The following STK24 variants were observed in gnomAD, a reference collection of about 807,000 sequenced individuals.
The protein encoded by STK24 is serine/threonine-protein kinase 24.
STK24 carries 21 observed loss-of-function variants against 55.6 expected under a neutral mutation model. The ratio of observed to expected loss-of-function variants is 0.38; its 90% CI spans 0.27 to 0.54. The LOEUF (loss-of-function observed/expected upper bound fraction) is 0.54, where lower values mean the gene tolerates loss of function less well. Among genes scored for constraint, STK24 ranks in the 20% least tolerant of loss-of-function variants. The probability of loss-of-function intolerance (pLI) is 0.79; values close to 1 mark genes in which losing one functional copy is unlikely to be tolerated. For synonymous variants in STK24, 200 were observed against 215.2 expected (o/e 0.93, Z 0.62); for missense variants, 383 against 538.4 (o/e 0.71, Z 2.86).
At chr13:98,530,301 G>A (rs1256689827) in intron 1 of STK24, among the ~76,000 whole-genome samples, 2 of 152,160 alleles carry the variant, frequency 1.3e-5, no homozygotes, top group Non-Finnish European at 2.9e-5. Flanking sequence ...ACTTAAGGCA[G>A]CTCCGTTTTT....
At chr13:98,552,055 T>G (rs1897172350) in intron 1 of STK24, among the ~76,000 whole-genome samples, 1 of 152,166 alleles carries the variant, frequency 6.6e-6, no homozygotes, top group South Asian at 2.1e-4. Flanking sequence ...TGAACAATCC[T>G]TTGCAGTTAA....
intron 1 of STK24, among the ~76,000 whole-genome samples, chr13:98,572,172 G>A (rs1351504925): frequency 3.3e-5 from 5 of 152,244 alleles, no homozygotes; most frequent in South Asian, 2.1e-4. Flanking sequence ...GCAGGCAGCC[G>A]ACCTCTTGAG....
chr13:98,506,957 G>A (rs1199361537), intron 2 of STK24, among the ~76,000 whole-genome samples: 1 of 152,182 alleles, frequency 6.6e-6, no homozygotes, highest in Non-Finnish European at 1.5e-5. Context: ...AGGCTTTCAG[G>A]GGAACCTCAC....
Position 98,577,058 on chromosome 13 carries a change from C to G in STK24, c.-272G>C, listed in dbSNP as rs1462509314. ...CGCCGCTGCTGCCGCTACTGCTGGG[C>G]TGGAGCCGGGCGGCCTGGGCCCGCG... On this transcript the variant is annotated 5_prime_UTR_variant, in exon 1 of 11. Transcript: ENST00000539966. This position sits in a 1 kb window ranked among gnomAD's most constrained non-coding sequence, Gnocchi z 4.1. 6.8e-6 allele frequency: 1 copy of G among 147,024 alleles called. No homozygotes were observed. Among genetic ancestry groups the G allele is most frequent in the Non-Finnish European group, 1.5e-5 (1 of 66,394 alleles). The allele number at this position is 147,024 out of a possible 1,614,324, so 9.1% of individuals were successfully genotyped here.
chr13:98,455,901 A>G (rs1263316515), intron 10 of STK24: 1 of 152,304 alleles, frequency 6.6e-6, no homozygotes, highest in Non-Finnish European at 1.5e-5. Context: ...AGCTCTTTCT[A>G]ATGGGAAATA....
intron 2 of STK24, among the ~76,000 whole-genome samples, chr13:98,504,440 G>A (rs565747978): frequency 1.3e-5 from 2 of 152,334 alleles, no homozygotes; most frequent in South Asian, 2.1e-4. Flanking sequence ...AGAAAAGTCA[G>A]AGCTTAGTCT....
At chr13:98,485,138 C>G (rs951461886) in intron 2 of STK24, among the ~76,000 whole-genome samples, 9 of 152,180 alleles carry the variant, frequency 5.9e-5, no homozygotes, top group Admixed American at 3.3e-4. Flanking sequence ...TCACCTTGCC[C>G]GCTGCCTAGA....
chr13:98,446,216 C>T lies in STK24; in HGVS notation c.*6957G>A, dbSNP rs2274054. 0.77 allele frequency: 1,232,224 copies of T among 1,593,296 alleles called. 487,323 individuals carry two copies. Among genetic ancestry groups the T allele is most frequent in the Non-Finnish European group, 0.83 (959,481 of 1,162,006 alleles). On this transcript the variant is annotated 3_prime_UTR_variant, in exon 11 of 11. Coordinates refer to ENST00000539966, the MANE Select transcript of STK24 (RefSeq NM_001032296.4). ...TACAAATCACACCAGGTAAGTGTCT[C>T]GCACAGGGCAGGTGGCCCTGGGACC...
intron 3 of STK24, among the ~76,000 whole-genome samples, chr13:98,480,012 A>G (rs1894525080): frequency 6.6e-6 from 1 of 152,190 alleles, no homozygotes; most frequent in African/African-American, 2.4e-5. Flanking sequence ...AAGGTCTCCT[A>G]GCTGAGACCC....
chr13:98,498,677 G>A (rs1260638442), intron 2 of STK24, among the ~76,000 whole-genome samples: 1 of 152,156 alleles, frequency 6.6e-6, no homozygotes, highest in Non-Finnish European at 1.5e-5. Context: ...AGGTTAGATG[G>A]ACATGAGAGA....
Position 98,456,849 on chromosome 13 carries a change from C to G in STK24, c.1259+319G>C, listed in dbSNP as rs527630714. On this transcript the variant is annotated intron_variant, in intron 10 of 10. Coordinates refer to ENST00000539966, the MANE Select transcript of STK24 (RefSeq NM_001032296.4). The stretch of plus-strand genomic sequence containing the variant: ...ATAGTTACACACATCTGGCTAAGAA[C>G]GATCATTCTCTGGCCAATAATTAAG... The G allele has an allele frequency of 4.8e-4, 214 of 450,184 alleles. 1 individual carries two copies. The highest frequency in any genetic ancestry group is 4.0e-3 in the African/African-American group (203 of 50,740). The allele number at this position is 450,184 out of a possible 1,614,324, so 27.9% of individuals were successfully genotyped here.
chr13:98,561,489 C>T (rs759382943), intron 1 of STK24, among the ~76,000 whole-genome samples: 7 of 151,808 alleles, frequency 4.6e-5, no homozygotes, highest in East Asian at 2.0e-4. Context: ...GGCTGAGGCG[C>T]GAGAATCACT....
At chr13:98,537,059 A>C (rs907711809) in intron 1 of STK24, among the ~76,000 whole-genome samples, 1 of 152,176 alleles carries the variant, frequency 6.6e-6, no homozygotes, top group African/African-American at 2.4e-5. Flanking sequence ...CTTGGCAAGT[A>C]AGTCACTCAC....
intron 6 of STK24, among the ~76,000 whole-genome samples, chr13:98,465,746 G>A (rs1052581859): frequency 2.6e-5 from 4 of 152,186 alleles, no homozygotes; most frequent in Non-Finnish European, 4.4e-5. Flanking sequence ...GGAAAACTCA[G>A]AAACAAAACA....
intron 9 of STK24, 65 bp from the exon 10 acceptor site, chr13:98,457,369 G>A (rs1207916312): frequency 1.2e-6 from 2 of 1,607,624 alleles, no homozygotes; most frequent in Admixed American, 1.7e-5. Context: ...GAAGCATGCT[G>A]TTCAAGGAAC....
In STK24 at chr13:98,453,131, A is replaced by G; in HGVS notation, c.*42T>C. 4 of 1,609,798 alleles carry G rather than the reference A, an allele frequency of 2.5e-6. No homozygotes were observed. Among genetic ancestry groups the G allele is most frequent in the Non-Finnish European group, 3.4e-6 (4 of 1,176,910 alleles). On this transcript the variant is annotated 3_prime_UTR_variant, in exon 11 of 11. Transcript: ENST00000539966. Reference sequence around the variant, plus strand: ...CTTTTAAAAAAGGAGGAGGATGAAGAAGGAAAAAAGGAAAAACAAAACCCC... The same window carrying G: ...CTTTTAAAAAAGGAGGAGGATGAAGGAGGAAAAAAGGAAAAACAAAACCCC...
intron 2 of STK24, among the ~76,000 whole-genome samples, chr13:98,502,289 C>T (rs1275623148): frequency 6.6e-6 from 1 of 152,082 alleles, no homozygotes; most frequent in Admixed American, 6.5e-5. Context: ...GCAGCTGGGT[C>T]CAGTAAACAT....
chr13:98,474,845 G>T lies in STK24; in HGVS notation c.573C>A (p.Ile191=). The T allele has an allele frequency of 6.2e-7, 1 of 1,613,452 alleles. No individual in the cohort carries two copies. Among genetic ancestry groups the T allele is most frequent in the Non-Finnish European group, 8.5e-7 (1 of 1,179,608 alleles). Residue 191 remains isoleucine (I), a synonymous_variant, in exon 5 of 11, where the codon ATC becomes ATA. Transcript: ENST00000539966. ...GTPFWMAPEV[I]KQSAYDSKAD... is the part of the protein sequence containing the mutation. ...CCTTCGAGTCATAGGCCGACTGTTTGATGACCTCGGGTGCCATCCAGAATG... is the reference window on the plus strand; with the variant it reads ...CCTTCGAGTCATAGGCCGACTGTTTTATGACCTCGGGTGCCATCCAGAATG...
chr13:98,457,446 T>G, intron 9 of STK24, 142 bp from the exon 10 acceptor site: 1 of 821,340 alleles, frequency 1.2e-6, no homozygotes, highest in Non-Finnish European at 1.9e-6. Flanking sequence ...TGGCTAGGGC[T>G]CCAGGCCACT....
Sources: gnomAD v4.1 joint callset for allele counts (sites outside exome capture counted in the v4.1 genomes callset) on GRCh38, gnomAD v4.1.1 for gene constraint, Gnocchi (gnomAD v3.1) non-coding constraint, MANE v1.5 for transcripts, NCBI Gene and HGNC (gene_info 2026-07-23, HGNC 2026-07-21) for gene names.